PDE6D: variants seen among roughly 807,000 people sequenced by gnomAD.
PDE6D encodes the protein phosphodiesterase 6D.
PDE6D carries 10 observed loss-of-function variants against 21.9 expected under a neutral mutation model. The ratio of observed to expected loss-of-function variants is 0.46; its 90% CI spans 0.28 to 0.78. The LOEUF (loss-of-function observed/expected upper bound fraction) is 0.78. Ranked by LOEUF, PDE6D falls within the 30% of genes least tolerant of loss-of-function variation. The probability of loss-of-function intolerance (pLI) is 0.12; values close to 1 mark genes in which losing one functional copy is unlikely to be tolerated. For synonymous variants in PDE6D, 59 were observed against 63.5 expected (o/e 0.93, Z 0.34); for missense variants, 139 against 184.8 (o/e 0.75, Z 1.44).
At chr2:231,758,396 C>G (rs1322183860) in intron 1 of PDE6D, among the ~76,000 whole-genome samples, 1 of 152,116 alleles carries the variant, frequency 6.6e-6, no homozygotes, top group Non-Finnish European at 1.5e-5. Context: ...CTTGGCCTCC[C>G]AAAGTGCTGG....
At chr2:231,768,794 AT>A (rs1291434634) in intron 1 of PDE6D, 24 of 152,270 alleles carry the variant, frequency 1.6e-4, no homozygotes, top group Admixed American at 5.9e-4. Flanking sequence ...CATGTAACAC[AT>A]TGCATTCTGA....
chr2:231,734,858 C>CAAAA (rs113833054), intron 4 of PDE6D, among the ~76,000 whole-genome samples: 4 of 107,046 alleles, frequency 3.7e-5, no homozygotes, highest in African/African-American at 1.3e-4. Flanking sequence ...AAAAAAAAAA[C>CAAAA]AAAAAAAAAA....
chr2:231,772,634 T>C (rs2049024507), intron 1 of PDE6D, among the ~76,000 whole-genome samples: 1 of 152,210 alleles, frequency 6.6e-6, no homozygotes, highest in Non-Finnish European at 1.5e-5. Context: ...AACACGAGGA[T>C]TTGTGGATGC....
intron 4 of PDE6D, 34 bp from the exon 5 acceptor site, chr2:231,733,067 G>T: frequency 7.3e-7 from 1 of 1,362,564 alleles, no homozygotes; most frequent in Non-Finnish European, 1.0e-6. Flanking sequence ...GGGCAAAAGA[G>T]AGTGAGCATG....
Position 231,781,190 on chromosome 2 carries a change from T to C in PDE6D, c.-76A>G. On this transcript the variant is annotated 5_prime_UTR_variant, in exon 1 of 5. Transcript: ENST00000287600. ...GCAGACGGTGCCCAGGAGCCGAGGA[T>C]GGAGCCGCAGCCCGGCTTGGAGACC... is the stretch of plus-strand genomic sequence containing the variant. The C allele has an allele frequency of 6.8e-7, 1 of 1,461,046 alleles. No homozygotes were observed. 90.5% of individuals were successfully genotyped at this position (1,461,046 alleles called of 1,614,324 possible). A position where few individuals can be genotyped will look rare whatever the true frequency, so the allele number is the denominator to read the frequency against.
chr2:231,752,772 A>G (rs2048850790), intron 1 of PDE6D, among the ~76,000 whole-genome samples: 1 of 149,598 alleles, frequency 6.7e-6, no homozygotes, highest in African/African-American at 2.4e-5. Flanking sequence ...CTTGTATTAT[A>G]TATATATTAA....
In PDE6D at chr2:231,781,194, G is replaced by A; in HGVS notation, c.-80C>T. 1.4e-6 allele frequency: 2 copies of A among 1,426,446 alleles called. No individual in the cohort carries two copies. The highest frequency in any genetic ancestry group is 2.3e-5 in the East Asian group (1 of 42,840). The allele number at this position is 1,426,446 out of a possible 1,614,324, so 88.4% of individuals were successfully genotyped here. ...ACGGTGCCCAGGAGCCGAGGATGGAGCCGCAGCCCGGCTTGGAGACCTCGG... is the reference window on the plus strand; with the variant it reads ...ACGGTGCCCAGGAGCCGAGGATGGAACCGCAGCCCGGCTTGGAGACCTCGG... On this transcript the variant is annotated 5_prime_UTR_variant, in exon 1 of 5. Coordinates refer to ENST00000287600, the MANE Select transcript of PDE6D (RefSeq NM_002601.4).
chr2:231,777,522 C>T (rs1046927038), intron 1 of PDE6D, among the ~76,000 whole-genome samples: 1 of 151,888 alleles, frequency 6.6e-6, no homozygotes, highest in Non-Finnish European at 1.5e-5. Context: ...TCCATGTGAA[C>T]AAAAGGGGCA....
chr2:231,772,827 A>G (rs947627057), intron 1 of PDE6D, among the ~76,000 whole-genome samples: 1 of 152,230 alleles, frequency 6.6e-6, no homozygotes, highest in African/African-American at 2.4e-5. Flanking sequence ...GTAATGTTTC[A>G]TTATAAACCA....
At chr2:231,735,471 T>C (rs1158501278) in intron 4 of PDE6D, among the ~76,000 whole-genome samples, 1 of 150,624 alleles carries the variant, frequency 6.6e-6, no homozygotes, top group East Asian at 2.1e-4. Flanking sequence ...GCTGATTTTT[T>C]GTATTTTTAG....
At chr2:231,753,819 CAGAGA>C (rs1341021268) in intron 1 of PDE6D, among the ~76,000 whole-genome samples, 1 of 152,160 alleles carries the variant, frequency 6.6e-6, no homozygotes, top group African/African-American at 2.4e-5. Flanking sequence ...TTTCACTGTT[CAGAGA>C]AAAGTGCTAA....
chr2:231,756,191 GT>G (rs1187547510), intron 1 of PDE6D, among the ~76,000 whole-genome samples: 14 of 152,276 alleles, frequency 9.2e-5, no homozygotes, highest in African/African-American at 3.4e-4. Context: ...AAGAACAGAA[GT>G]TTTGGGGGCA....
At chr2:231,776,046 C>T (rs990536242) in intron 1 of PDE6D, among the ~76,000 whole-genome samples, 1 of 152,130 alleles carries the variant, frequency 6.6e-6, no homozygotes, top group Non-Finnish European at 1.5e-5. Flanking sequence ...TATAAGAGTA[C>T]TGTGACAAAT....
At chr2:231,738,246 T>TA in intron 2 of PDE6D, 108 bp from the exon 3 acceptor site, 1 of 1,024,538 alleles carries the variant, frequency 9.8e-7, no homozygotes, top group Non-Finnish European at 1.4e-6. Context: ...AACACTTTCT[T>TA]ACAGCTGATT....
chr2:231,749,040 C>T (rs185069302), intron 1 of PDE6D, among the ~76,000 whole-genome samples: 4 of 152,170 alleles, frequency 2.6e-5, no homozygotes, highest in Non-Finnish European at 5.9e-5. Context: ...ACACAGAGTC[C>T]CTACTGGGGC....
intron 1 of PDE6D, among the ~76,000 whole-genome samples, chr2:231,759,897 T>C (rs1228409566): frequency 6.6e-6 from 1 of 152,160 alleles, no homozygotes; most frequent in Non-Finnish European, 1.5e-5. Flanking sequence ...GCTAGAGACA[T>C]AGCCCCCAAA....
intron 1 of PDE6D, among the ~76,000 whole-genome samples, chr2:231,750,095 G>C (rs779075955): frequency 6.6e-6 from 1 of 152,160 alleles, no homozygotes; most frequent in Non-Finnish European, 1.5e-5. Context: ...TGCTATTCTT[G>C]TGATAAGTCT....
intron 1 of PDE6D, among the ~76,000 whole-genome samples, chr2:231,750,992 T>C (rs1272207805): frequency 1.3e-5 from 2 of 152,192 alleles, no homozygotes; most frequent in Non-Finnish European, 2.9e-5. Context: ...TTAATGATAC[T>C]GAGATAATCC....
chr2:231,764,445 A>G (rs1446533654), intron 1 of PDE6D, among the ~76,000 whole-genome samples: 2 of 152,190 alleles, frequency 1.3e-5, no homozygotes, highest in African/African-American at 2.4e-5. Flanking sequence ...GGCTTTGTAA[A>G]TAGTTATGGG....
Sources: gnomAD v4.1 joint callset for allele counts (sites outside exome capture counted in the v4.1 genomes callset) on GRCh38, gnomAD v4.1.1 for gene constraint, MANE v1.5 for transcripts, NCBI Gene and HGNC (gene_info 2026-07-23, HGNC 2026-07-21) for gene names.